Variants in EVL observed in about 807,000 individuals in gnomAD.
EVL encodes the protein Enah/Vasp-like.
In EVL, 21 loss-of-function variants were observed where a neutral mutation model predicts 59.6. The ratio of observed to expected loss-of-function variants is 0.35; its 90% CI spans 0.25 to 0.51. The LOEUF is 0.51. Ranked by LOEUF, EVL falls within the 20% of genes least tolerant of loss-of-function variation. The pLI is 0.97. For synonymous variants in EVL, 198 were observed against 203.5 expected (o/e 0.97, Z 0.23); for missense variants, 462 against 546.6 (o/e 0.85, Z 1.54).
Position 100,114,885 on chromosome 14 carries a change from G to A in EVL, c.359-8654G>A, listed in dbSNP as rs374549512. On this transcript the variant is annotated intron_variant, in intron 3 of 13. Coordinates refer to ENST00000392920, the MANE Select transcript of EVL (RefSeq NM_016337.3). This position sits in a 1 kb window ranked among gnomAD's most constrained non-coding sequence, Gnocchi z 5.0. ...AATGACATCCTTGCGGAAGCGGCAG[G>A]GTGGAAGCAGCAGCTGGGTACTGGG... Among the ~76,000 whole-genome samples, 4 of 151,956 alleles carry A rather than the reference G, an allele frequency of 2.6e-5. No individual in the cohort carries two copies. Among genetic ancestry groups the A allele is most frequent in the African/African-American group, 9.6e-5 (4 of 41,504 alleles).
intron 8 of EVL, 170 bp from the exon 9 acceptor site, chr14:100,135,735 A>C (rs941160494): frequency 8.2e-6 from 5 of 609,022 alleles, no homozygotes; most frequent in Admixed American, 5.3e-5. Flanking sequence ...TTCTCTCCCC[A>C]CTGAGATTTT....
intron 1 of EVL, among the ~76,000 whole-genome samples, chr14:99,993,083 A>C (rs942826156): frequency 1.9e-5 from 2 of 104,556 alleles, no homozygotes; most frequent in South Asian, 5.9e-4. Context: ...TTTGAGACGG[A>C]GTCTTGCTCT....
intron 1 of EVL, among the ~76,000 whole-genome samples, chr14:100,018,230 G>T (rs959106148): frequency 1.3e-5 from 2 of 152,194 alleles, no homozygotes; most frequent in Non-Finnish European, 2.9e-5. Context: ...TCAGCCCCTC[G>T]GAGAGGGAGC....
At chr14:100,143,607 C>T (rs747858609) in intron 13 of EVL, 94 bp from the exon 14 acceptor site, 114 of 1,482,062 alleles carry the variant, frequency 7.7e-5, no homozygotes, top group Non-Finnish European at 1.0e-4. Flanking sequence ...GGGACACATA[C>T]CAGGCAGGTC....
intron 1 of EVL, among the ~76,000 whole-genome samples, chr14:100,071,132 G>A (rs1323045919): frequency 6.6e-6 from 1 of 152,090 alleles, no homozygotes; most frequent in Non-Finnish European, 1.5e-5. Flanking sequence ...AAAGGCAAAC[G>A]TCTTGATTGC....
chr14:99,997,383 C>T lies in EVL; in HGVS notation c.5+25326C>T, dbSNP rs543543405. ...AGGGCAGGGAGGCAACCATCCTGTA[C>T]GTATTAGTCAGTACATAGGCTTAGC... On this transcript the variant is annotated intron_variant, in intron 1 of 13. Coordinates refer to the EVL transcript ENST00000402714. 1.4e-3 allele frequency among the ~76,000 whole-genome samples: 210 copies of T among 152,364 alleles called. 8 individuals are homozygous for T. In the South Asian group the frequency reaches 0.039, roughly 29 times the overall value.
intron 1 of EVL, among the ~76,000 whole-genome samples, chr14:100,005,781 A>G (rs930375781): frequency 1.3e-5 from 2 of 152,054 alleles, no homozygotes; most frequent in African/African-American, 2.4e-5. Flanking sequence ...CTACTATTGC[A>G]GAAGTACCAA....
At chr14:100,047,114 CTCTCTTTTTTTTTTTT>C (rs1330728801) in intron 1 of EVL, among the ~76,000 whole-genome samples, 1 of 95,110 alleles carries the variant, frequency 1.1e-5, no homozygotes, top group East Asian at 3.7e-4. Flanking sequence ...GCAGATCTCT[CTCTCTTTTTTTTTTTT>C]TTTTTTTTTT....
chr14:100,030,253 G>A (rs571548281), intron 1 of EVL, among the ~76,000 whole-genome samples: 87 of 151,658 alleles, frequency 5.7e-4, no homozygotes, highest in South Asian at 2.9e-3. Flanking sequence ...CACCACGCCC[G>A]GCTATTTTTT....
chr14:100,132,752 C>CTCCCAGTCA lies in EVL; in HGVS notation c.873_874insTCCCAGTCA (p.Ala291_Glu292insSerGlnSer). 6.2e-7 allele frequency: 1 copy of CTCCCAGTCA among 1,614,128 alleles called. No individual in the cohort carries two copies. Among genetic ancestry groups the CTCCCAGTCA allele is most frequent in the Non-Finnish European group, 8.5e-7 (1 of 1,180,032 alleles). On this transcript the variant is annotated inframe_insertion, in exon 8 of 14. Coordinates refer to ENST00000392920, the MANE Select transcript of EVL (RefSeq NM_016337.3). ...CAGCCTCCCAGTCAGACAAGCCAGC[C>CTCCCAGTCA]GAGAAGAAGGAAGATGAAAGCCAAA... is the stretch of plus-strand genomic sequence containing the variant.
intron 1 of EVL, among the ~76,000 whole-genome samples, chr14:100,052,414 A>G (rs985053768): frequency 6.6e-6 from 1 of 152,190 alleles, no homozygotes; most frequent in African/African-American, 2.4e-5. Context: ...TCTTTTCGCA[A>G]CCATTTAAAT....
At chr14:100,039,918 A>G (rs1411463889) in intron 1 of EVL, among the ~76,000 whole-genome samples, 1 of 152,166 alleles carries the variant, frequency 6.6e-6, no homozygotes, top group African/African-American at 2.4e-5. Flanking sequence ...GGCTGGGACC[A>G]CAAGTGCACA....
rs2060889125 is a variant in EVL at position 99,993,477 on chromosome 14, G to A, written c.5+21420G>A. On this transcript the variant is annotated intron_variant, in intron 1 of 13. Transcript: ENST00000402714. Reference sequence around the variant, plus strand: ...CTTATTTTGTCTTTGTCTGGTTTTGGTATCAGATTAATGCTGACCTAATAG... The same window carrying A: ...CTTATTTTGTCTTTGTCTGGTTTTGATATCAGATTAATGCTGACCTAATAG... 2.0e-5 allele frequency among the ~76,000 whole-genome samples: 3 copies of A among 151,984 alleles called. 1 individual carries two copies. Among genetic ancestry groups the A allele is most frequent in the Admixed American group, 2.0e-4 (3 of 15,268 alleles).
At chr14:100,031,453 G>A (rs1299162786) in intron 1 of EVL, among the ~76,000 whole-genome samples, 1 of 152,224 alleles carries the variant, frequency 6.6e-6, no homozygotes, top group Non-Finnish European at 1.5e-5. Flanking sequence ...GGCCATGTGT[G>A]AGCTTTCATA....
Position 100,071,354 on chromosome 14 carries a change from T to C in EVL, c.11+5843T>C, listed in dbSNP as rs115635061. The stretch of plus-strand genomic sequence containing the variant: ...CAGTTCTCAAAATGTACTCCAGAGA[T>C]TGACCCTCCTAGGAGTCTGTAGATC... On this transcript the variant is annotated intron_variant, in intron 1 of 13. Coordinates refer to ENST00000392920, the MANE Select transcript of EVL (RefSeq NM_016337.3). 5.4e-3 allele frequency among the ~76,000 whole-genome samples: 824 copies of C among 152,302 alleles called. 7 individuals carry two copies. Among genetic ancestry groups the C allele is most frequent in the African/African-American group, 0.019 (775 of 41,558 alleles).
chr14:100,089,929 G>C (rs2062528447), intron 2 of EVL, among the ~76,000 whole-genome samples: 1 of 151,720 alleles, frequency 6.6e-6, no homozygotes, highest in Admixed American at 6.6e-5. Flanking sequence ...TGATAACCTT[G>C]TCTCAAAAAA....
chr14:100,142,783 G>C (rs966887023), intron 13 of EVL, among the ~76,000 whole-genome samples: 1 of 152,220 alleles, frequency 6.6e-6, no homozygotes, highest in Non-Finnish European at 1.5e-5. Flanking sequence ...CAGCCTGGGC[G>C]ATAGGCAGGC....
chr14:100,096,365 G>A (rs376069196), intron 2 of EVL, among the ~76,000 whole-genome samples: 98 of 152,246 alleles, frequency 6.4e-4, no homozygotes, highest in African/African-American at 2.2e-3. Context: ...CTGGCTCTCC[G>A]GCCTCATCCA....
Position 100,084,725 on chromosome 14 carries a change from T to C in EVL, c.50T>C (p.Val17Ala). The stretch of plus-strand genomic sequence containing the variant: ...TGCCAAGCCCGGGCTTCCGTGATGG[T>C]CTACGATGACACCAGTAAGAAATGG... Reference protein sequence around the residue: ...SICQARASVMVYDDTSKKWVP... With the variant: ...SICQARASVMAYDDTSKKWVP... The change falls in exon 2 of 14, where the codon GTC becomes GCC. Residue 17 changes from valine to alanine, a missense_variant. Coordinates refer to ENST00000392920, the MANE Select transcript of EVL (RefSeq NM_016337.3). The C allele has an allele frequency of 6.2e-7, 1 of 1,614,220 alleles. No homozygotes were observed. Among genetic ancestry groups the C allele is most frequent in the Non-Finnish European group, 8.5e-7 (1 of 1,180,042 alleles).
Sources: gnomAD v4.1 joint callset for allele counts (sites outside exome capture counted in the v4.1 genomes callset) on GRCh38, gnomAD v4.1.1 for gene constraint, Gnocchi (gnomAD v3.1) non-coding constraint, MANE v1.5 for transcripts, NCBI Gene and HGNC (gene_info 2026-07-23, HGNC 2026-07-21) for gene names.